The following GABRA1 variants were observed in gnomAD, a reference collection of about 807,000 sequenced individuals.
The protein encoded by GABRA1 is gamma-aminobutyric acid type A receptor subunit alpha1.
Under a neutral mutation model 48.9 loss-of-function variants are expected in GABRA1, and 9 were observed. The ratio of observed to expected loss-of-function variants is 0.18; its 90% CI spans 0.11 to 0.32. The LOEUF is 0.32. Among genes scored for constraint, GABRA1 ranks in the 10% least tolerant of loss-of-function variants. The pLI, the probability that GABRA1 is intolerant of heterozygous loss-of-function variation, is 1.00. For synonymous variants in GABRA1, 210 were observed against 198.7 expected, an observed-to-expected ratio of 1.06 and a Z score of -0.48; for missense variants, 285 against 553.8, an observed-to-expected ratio of 0.51 and a Z score of 4.87.
intron 1 of GABRA1, chr5:161,848,659 A>G: frequency 4.2e-6 from 1 of 239,848 alleles, no homozygotes; most frequent in South Asian, 4.2e-5. Flanking sequence ...CCGCAGCAAT[A>G]TAAGAGCATT....
At position 161,870,469 on chromosome 5, in the gene GABRA1, G is replaced by A. The variant is rs577169493; in HGVS notation, c.256-2648G>A. ...CCCAGCTACTCGGGAGGCTGAGACT[G>A]AGCCAGGAGAATAGCTTGACTCAGG... On this transcript the variant is annotated intron_variant, in intron 4 of 9. Transcript: ENST00000393943. Among the ~76,000 whole-genome samples the A allele has an allele frequency of 8.6e-5, 13 of 151,766 alleles. No individual in the cohort carries two copies. In the South Asian group the frequency reaches 2.3e-3, roughly 27 times the overall value.
rs1207623626 is a variant in GABRA1, at chr5:161,873,317, C to T, written c.456C>T (p.Gly152=). ...AACTCCTGCGGATCACAGAGGATGGCACCTTGCTGTACACCATGAGGTAAG... is the reference window on the plus strand; with the variant it reads ...AACTCCTGCGGATCACAGAGGATGGTACCTTGCTGTACACCATGAGGTAAG... ...PNKLLRITED[G]TLLYTMRLTV... The change falls in exon 5 of 10, where the codon GGC becomes GGT. Residue 152 remains glycine, a synonymous_variant. Transcript: ENST00000393943. 2 of 1,613,368 alleles carry T rather than the reference C, an allele frequency of 1.2e-6. No homozygotes were observed. The highest frequency in any genetic ancestry group is 2.2e-5 in the East Asian group (1 of 44,852).
At chr5:161,867,871 A>G (rs995485194) in intron 4 of GABRA1, among the ~76,000 whole-genome samples, 2 of 152,100 alleles carry the variant, frequency 1.3e-5, no homozygotes, top group Non-Finnish European at 2.9e-5. Flanking sequence ...CATATATAGC[A>G]CTGCTTTGTA....
At chr5:161,894,454 A>G (rs866458063) in intron 8 of GABRA1, among the ~76,000 whole-genome samples, 1 of 152,162 alleles carries the variant, frequency 6.6e-6, no homozygotes, top group Non-Finnish European at 1.5e-5. Context: ...TTCTCCTAGA[A>G]TTTCAACAAT....
chr5:161,853,976 A>T (rs1455729290), intron 2 of GABRA1, among the ~76,000 whole-genome samples, 182 bp from the exon 3 acceptor site: 1 of 151,904 alleles, frequency 6.6e-6, no homozygotes, highest in African/African-American at 2.4e-5. Flanking sequence ...ACTGAAAATT[A>T]AAAATATAAT....
intron 6 of GABRA1, chr5:161,882,247 C>G (rs541876112): frequency 2.0e-4 from 79 of 389,798 alleles, no homozygotes; most frequent in Non-Finnish European, 1.0e-4. Context: ...ATGTTTTTGT[C>G]CCCACTGCTA....
chr5:161,889,939 AAAG>A (rs1755016327), intron 7 of GABRA1, among the ~76,000 whole-genome samples: 1 of 152,090 alleles, frequency 6.6e-6, no homozygotes, highest in Admixed American at 6.6e-5. Flanking sequence ...CGCACATGTG[AAAG>A]ATCACTCTAC....
intron 6 of GABRA1, among the ~76,000 whole-genome samples, chr5:161,879,207 C>G (rs1754500809): frequency 6.6e-6 from 1 of 152,156 alleles, no homozygotes. Flanking sequence ...CTTTTGGGCT[C>G]AAGTGGTCCT....
intron 2 of GABRA1, among the ~76,000 whole-genome samples, chr5:161,852,366 A>G (rs2113299790): frequency 6.6e-6 from 1 of 152,164 alleles, no homozygotes; most frequent in African/African-American, 2.4e-5. Context: ...TTATTTAGTC[A>G]TGTTACCCCA....
chr5:161,875,543 T>A lies in GABRA1; in HGVS notation c.477-17T>A. 2 of 1,604,214 alleles carry A rather than the reference T, an allele frequency of 1.2e-6. No individual in the cohort carries two copies. Among genetic ancestry groups the A allele is most frequent in the Non-Finnish European group, 1.7e-6 (2 of 1,171,120 alleles). ...TAATCTATATGGCTCTTGTTTGTATTCTATGTTTCCCTTAAGGCTGACAGT... is the reference window on the plus strand; with the variant it reads ...TAATCTATATGGCTCTTGTTTGTATACTATGTTTCCCTTAAGGCTGACAGT... On this transcript the variant is annotated splice_polypyrimidine_tract_variant and intron_variant, in intron 5 of 9. Coordinates refer to ENST00000393943, the MANE Select transcript of GABRA1 (RefSeq NM_001127644.2).
Position 161,854,148 on chromosome 5 carries a change from T to C in GABRA1, c.75-10T>C. 1 of 1,442,312 alleles carries C rather than the reference T, an allele frequency of 6.9e-7. No homozygotes were observed. 89.3% of individuals were successfully genotyped at this position (1,442,312 alleles called of 1,614,324 possible). A position where few individuals can be genotyped will look rare whatever the true frequency, so the allele number is the denominator to read the frequency against. ...ATTTAGCTATTGCTTCTCTTTATGTTTTTTTTCAGCTATGGACAGCCGTCA... is the reference window on the plus strand; with the variant it reads ...ATTTAGCTATTGCTTCTCTTTATGTCTTTTTTCAGCTATGGACAGCCGTCA... On this transcript the variant is annotated splice_polypyrimidine_tract_variant and intron_variant, in intron 2 of 9. Transcript: ENST00000393943.
intron 3 of GABRA1, among the ~76,000 whole-genome samples, chr5:161,861,570 T>C (rs1757861147): frequency 6.6e-6 from 1 of 151,234 alleles, no homozygotes; most frequent in South Asian, 2.1e-4. Flanking sequence ...CCTTGAAACT[T>C]GGGTGTCTAC....
intron 4 of GABRA1, among the ~76,000 whole-genome samples, chr5:161,867,654 A>C (rs1186431873): frequency 6.6e-6 from 1 of 152,112 alleles, no homozygotes; most frequent in Non-Finnish European, 1.5e-5. Context: ...TATTATTTTT[A>C]CCTCTGAGCT....
intron 4 of GABRA1, 163 bp from the exon 5 acceptor site, chr5:161,872,954 C>A: frequency 1.5e-6 from 1 of 647,384 alleles, no homozygotes; most frequent in Non-Finnish European, 2.8e-6. Flanking sequence ...CAGTGATTCT[C>A]CTGACATCAA....
intron 2 of GABRA1, among the ~76,000 whole-genome samples, chr5:161,852,785 T>G (rs1246735596): frequency 1.3e-5 from 2 of 151,988 alleles, no homozygotes; most frequent in Middle Eastern, 3.2e-3. Context: ...GCCTTTAGTT[T>G]TAGTAACTTT....
intron 2 of GABRA1, 143 bp from the exon 3 acceptor site, chr5:161,854,015 C>A: frequency 3.2e-5 from 17 of 527,538 alleles, no homozygotes; most frequent in South Asian, 2.4e-4. Context: ...AAATAACATT[C>A]CTTTTTACCT....
chr5:161,893,333 T>G (rs552148398), intron 8 of GABRA1, among the ~76,000 whole-genome samples: 1 of 152,262 alleles, frequency 6.6e-6, no homozygotes, highest in African/African-American at 2.4e-5. Flanking sequence ...TTTCAAGTTT[T>G]ATGTTTCTAA....
chr5:161,897,576 C>T lies in GABRA1; in HGVS notation c.*154C>T. 1.3e-6 allele frequency: 1 copy of T among 751,848 alleles called. No individual in the cohort carries two copies. Among genetic ancestry groups the T allele is most frequent in the Non-Finnish European group, 2.2e-6 (1 of 463,612 alleles). 46.6% of individuals were successfully genotyped at this position (751,848 alleles called of 1,614,324 possible). A position where few individuals can be genotyped will look rare whatever the true frequency, so the allele number is the denominator to read the frequency against. On this transcript the variant is annotated 3_prime_UTR_variant, in exon 10 of 10. Coordinates refer to ENST00000393943, the MANE Select transcript of GABRA1 (RefSeq NM_001127644.2). ...TCATTTAAGAACAAGAGACCCCTGT[C>T]TGGCAGTCTGGAGCAAAGCAGACTA...
chr5:161,880,470 C>T (rs988935052), intron 6 of GABRA1, among the ~76,000 whole-genome samples: 2 of 152,084 alleles, frequency 1.3e-5, no homozygotes, highest in Non-Finnish European at 1.5e-5. Flanking sequence ...CTGCTATACA[C>T]AATGGTGAAA....
Sources: gnomAD v4.1 joint callset for allele counts (sites outside exome capture counted in the v4.1 genomes callset) on GRCh38, gnomAD v4.1.1 for gene constraint, MANE v1.5 for transcripts, NCBI Gene and HGNC (gene_info 2026-07-23, HGNC 2026-07-21) for gene names.